PEX5L: variants seen among roughly 807,000 people sequenced by gnomAD.
PEX5L encodes the protein PEX5-related protein.
In PEX5L, 30 loss-of-function variants were observed where a neutral mutation model predicts 84.0. The observed-to-expected ratio is 0.36, with a 90% CI of 0.27 to 0.48. PEX5L has a LOEUF of 0.48. PEX5L is among the 20% of genes least tolerant of loss of function. The probability of loss-of-function intolerance (pLI) is 0.99; values close to 1 mark genes in which losing one functional copy is unlikely to be tolerated. For synonymous variants in PEX5L, 270 were observed against 283.1 expected, an observed-to-expected ratio of 0.95 and a Z score of 0.46; for missense variants, 533 against 754.6, an observed-to-expected ratio of 0.71 and a Z score of 3.44.
intron 1 of PEX5L, among the ~76,000 whole-genome samples, chr3:180,031,336 A>G (rs1284952096): frequency 6.6e-6 from 1 of 152,152 alleles, no homozygotes; most frequent in East Asian, 1.9e-4. Flanking sequence ...AGGGGATGGT[A>G]TAGGTGAGGT....
intron 2 of PEX5L, among the ~76,000 whole-genome samples, chr3:179,941,656 G>T (rs934060138): frequency 6.6e-5 from 10 of 152,176 alleles, no homozygotes; most frequent in African/African-American, 1.9e-4. Flanking sequence ...TAACCTGGTA[G>T]AAAAGAGTGA....
chr3:179,883,115 A>T (rs1754661751), intron 4 of PEX5L, among the ~76,000 whole-genome samples: 1 of 152,032 alleles, frequency 6.6e-6, no homozygotes, highest in Non-Finnish European at 1.5e-5. Context: ...CTTACAATGA[A>T]CGTGAAAAGT....
At chr3:180,017,907 T>G (rs771733905) in intron 1 of PEX5L, among the ~76,000 whole-genome samples, 4 of 152,170 alleles carry the variant, frequency 2.6e-5, no homozygotes, top group Non-Finnish European at 4.4e-5. Flanking sequence ...AAAATTAAGA[T>G]GAAGAATGAG....
At chr3:179,923,188 G>A (rs1770235525) in intron 2 of PEX5L, among the ~76,000 whole-genome samples, 1 of 151,408 alleles carries the variant, frequency 6.6e-6, no homozygotes, top group South Asian at 2.1e-4. Context: ...TTACTCGGGA[G>A]GCTGAGGCGG....
rs569429633 is a variant in PEX5L at position 179,976,218 on chromosome 3, CAG to C, written c.22-4555_22-4554del. On this transcript the variant is annotated intron_variant, in intron 1 of 14. Coordinates refer to ENST00000467460, the MANE Select transcript of PEX5L (RefSeq NM_016559.3). ...ATTAGTGGAATACAGTCAAAGGAAA[CAG>C]AGTTCTGATAGTGTCAGATGCTGAT... Among the ~76,000 whole-genome samples the C allele has an allele frequency of 3.1e-3, 479 of 152,276 alleles. 2 individuals carry two copies. In the Middle Eastern group the frequency reaches 0.034, roughly 11 times the overall value.
At chr3:179,974,190 T>A (rs1476441892) in intron 1 of PEX5L, 5 of 985,320 alleles carry the variant, frequency 5.1e-6, no homozygotes, top group Non-Finnish European at 6.0e-6. Flanking sequence ...AGCTTCTGCG[T>A]GGTCTTTCAC....
intron 2 of PEX5L, among the ~76,000 whole-genome samples, chr3:179,948,481 G>A (rs569897324): frequency 2.6e-5 from 4 of 152,344 alleles, no homozygotes; most frequent in East Asian, 1.9e-4. Flanking sequence ...GGCACTGACC[G>A]AGTTGTCATC....
chr3:179,901,621 T>C (rs1761373277), intron 2 of PEX5L, among the ~76,000 whole-genome samples: 1 of 152,234 alleles, frequency 6.6e-6, no homozygotes, highest in African/African-American at 2.4e-5. Flanking sequence ...ACTTCCTGGT[T>C]TAATTTCTTG....
At chr3:179,977,410 T>G (rs1277566817) in intron 1 of PEX5L, among the ~76,000 whole-genome samples, 2 of 152,230 alleles carry the variant, frequency 1.3e-5, no homozygotes, top group Non-Finnish European at 2.9e-5. Flanking sequence ...CTTTGTTTAT[T>G]GCATTTAATA....
chr3:179,843,086 G>A (rs182741603), intron 8 of PEX5L, among the ~76,000 whole-genome samples: 359 of 151,978 alleles, frequency 2.4e-3, no homozygotes, highest in Non-Finnish European at 3.5e-3. Context: ...GCAAGACATC[G>A]AAATAGGTTA....
At chr3:179,851,625 A>G (rs903316062) in intron 8 of PEX5L, among the ~76,000 whole-genome samples, 4 of 152,196 alleles carry the variant, frequency 2.6e-5, no homozygotes, top group African/African-American at 9.7e-5. Flanking sequence ...GTGGGAGGCA[A>G]TGTTAGCTTG....
At chr3:179,808,512 A>T in intron 12 of PEX5L, 75 bp from the exon 13 acceptor site, 1 of 1,149,644 alleles carries the variant, frequency 8.7e-7, no homozygotes, top group Middle Eastern at 3.1e-4. Context: ...AAATCCCTTG[A>T]CTGTATTTCA....
At chr3:179,973,152 T>C (rs1785179983) in intron 1 of PEX5L, 2 of 1,286,972 alleles carry the variant, frequency 1.6e-6, no homozygotes, top group Non-Finnish European at 2.0e-6. Flanking sequence ...TTGATCTGTA[T>C]ACGTACCAAG....
At chr3:179,873,376 T>G (rs1313131467) in intron 7 of PEX5L, among the ~76,000 whole-genome samples, 1 of 152,172 alleles carries the variant, frequency 6.6e-6, no homozygotes, top group Non-Finnish European at 1.5e-5. Context: ...AAATTTCTCT[T>G]GCTTATTTTA....
At chr3:179,973,658 G>A (rs1579177804) in intron 1 of PEX5L, 1 of 985,380 alleles carries the variant, frequency 1.0e-6, no homozygotes, top group Non-Finnish European at 1.2e-6. Context: ...CAGATAGAAT[G>A]TCAGCACTCA....
rs149103614 is a variant in PEX5L, at chr3:180,000,578, C to T, written c.22-28913G>A. 1.7e-3 allele frequency among the ~76,000 whole-genome samples: 262 copies of T among 152,256 alleles called. 1 individual carries two copies. Among genetic ancestry groups the T allele is most frequent in the Middle Eastern group, 3.4e-3 (1 of 294 alleles). ...AGCAGAAGGAGGTAGTCATCAATACCAGCTATGACCACGTGACTAGCTGCA... is the reference window on the plus strand; with the variant it reads ...AGCAGAAGGAGGTAGTCATCAATACTAGCTATGACCACGTGACTAGCTGCA... On this transcript the variant is annotated intron_variant, in intron 1 of 14. Transcript: ENST00000467460.
chr3:179,863,380 C>T (rs138831116), intron 7 of PEX5L, among the ~76,000 whole-genome samples: 489 of 151,672 alleles, frequency 3.2e-3, no homozygotes, highest in Non-Finnish European at 5.2e-3. Flanking sequence ...GCAAAGGAAA[C>T]AATCAAGACG....
At chr3:179,955,757 T>C (rs13077002) in intron 2 of PEX5L, among the ~76,000 whole-genome samples, 21,169 of 152,074 alleles carry the variant, frequency 0.14, 1,644 homozygotes, top group South Asian at 0.32. Context: ...AAAACATAAA[T>C]ATGAGTATTC....
At chr3:179,824,930 A>C (rs896628501) in intron 8 of PEX5L, among the ~76,000 whole-genome samples, 2 of 152,208 alleles carry the variant, frequency 1.3e-5, no homozygotes, top group Non-Finnish European at 2.9e-5. Context: ...GTAAGAGCTC[A>C]ATACTAGTTG....
Sources: gnomAD v4.1 joint callset for allele counts (sites outside exome capture counted in the v4.1 genomes callset) on GRCh38, gnomAD v4.1.1 for gene constraint, MANE v1.5 for transcripts, NCBI Gene and HGNC (gene_info 2026-07-23, HGNC 2026-07-21) for gene names.